Variants in ITK observed in about 807,000 individuals in gnomAD.
The protein encoded by ITK is tyrosine-protein kinase ITK/TSK.
Under a neutral mutation model 87.6 loss-of-function variants are expected in ITK, and 45 were observed. The ratio of observed to expected loss-of-function variants is 0.51; its 90% CI spans 0.40 to 0.66. The LOEUF (loss-of-function observed/expected upper bound fraction) is 0.66, where lower values mean the gene tolerates loss of function less well. ITK is among the 30% of genes least tolerant of loss of function. ITK has a pLI of 0.00. For missense variants in ITK, 605 were observed against 766.3 expected (o/e 0.79, Z 2.48); for synonymous variants, 303 against 273.6 (o/e 1.11, Z -1.06).
intron 11 of ITK, among the ~76,000 whole-genome samples, chr5:157,243,214 C>T (rs999952175): frequency 2.6e-5 from 4 of 151,930 alleles, no homozygotes; most frequent in Non-Finnish European, 4.4e-5. Flanking sequence ...TCTTTAACTG[C>T]CCCTCTGCCC....
chr5:157,192,169 G>T (rs10079961), intron 1 of ITK, among the ~76,000 whole-genome samples: 19,586 of 152,148 alleles, frequency 0.13, 1,630 homozygotes, highest in African/African-American at 0.23. Context: ...GAGATGGTTT[G>T]GTTTAAAGTC....
rs921587544 is a variant in ITK at position 157,253,072 on chromosome 5, T to C, written c.*394T>C. 1 of 359,616 alleles carries C rather than the reference T, an allele frequency of 2.8e-6. No homozygotes were observed. The allele number at this position is 359,616 out of a possible 1,614,324, so 22.3% of individuals were successfully genotyped here. A position where few individuals can be genotyped will look rare whatever the true frequency, so the allele number is the denominator to read the frequency against. On this transcript the variant is annotated 3_prime_UTR_variant, in exon 17 of 17. Transcript: ENST00000422843. ...TTTAACATGAATCTAAAGTTTATGG[T>C]TCCAGGGACTTTTTATTTGACCCAA...
chr5:157,230,841 C>T (rs935090109), intron 7 of ITK, among the ~76,000 whole-genome samples: 4 of 152,114 alleles, frequency 2.6e-5, no homozygotes, highest in African/African-American at 9.7e-5. Flanking sequence ...ATTCACCCAC[C>T]TAAAGGTATT....
At chr5:157,247,795 G>A (rs958622060) in intron 15 of ITK, among the ~76,000 whole-genome samples, 1 of 152,166 alleles carries the variant, frequency 6.6e-6, no homozygotes, top group African/African-American at 2.4e-5. Context: ...AAGTTTCTTT[G>A]CCCTAATTAG....
At chr5:157,192,459 G>A (rs152105) in intron 1 of ITK, among the ~76,000 whole-genome samples, 7,589 of 152,264 alleles carry the variant, frequency 0.05, 265 homozygotes, top group African/African-American at 0.094. Flanking sequence ...TTCTCAGGCT[G>A]TAATTCCAGA....
chr5:157,199,526 T>C (rs1753920973), intron 1 of ITK: 1 of 152,252 alleles, frequency 6.6e-6, no homozygotes, highest in South Asian at 2.1e-4. Context: ...CTTGGTGAAA[T>C]GGGTCACACA....
intron 4 of ITK, among the ~76,000 whole-genome samples, chr5:157,217,666 C>T (rs1754326420): frequency 6.6e-6 from 1 of 152,164 alleles, no homozygotes; most frequent in Non-Finnish European, 1.5e-5. Flanking sequence ...GAATCAGAAA[C>T]CAGCAGGCCC....
chr5:157,233,452 C>T (rs1754699639), intron 8 of ITK, among the ~76,000 whole-genome samples: 1 of 152,352 alleles, frequency 6.6e-6, no homozygotes, highest in South Asian at 2.1e-4. Context: ...CTTGGCTCTA[C>T]ATCAACTCAG....
chr5:157,235,330 C>T (rs1754755969), intron 8 of ITK, among the ~76,000 whole-genome samples: 1 of 152,200 alleles, frequency 6.6e-6, no homozygotes, highest in Non-Finnish European at 1.5e-5. Context: ...CCTAATGTGC[C>T]ATATCAGTTC....
chr5:157,212,405 G>A (rs1375359640), intron 3 of ITK, among the ~76,000 whole-genome samples: 1 of 152,208 alleles, frequency 6.6e-6, no homozygotes, highest in Non-Finnish European at 1.5e-5. Flanking sequence ...AATACAAGTT[G>A]TATCTTATCC....
At chr5:157,224,006 G>A (rs767524612) in intron 6 of ITK, among the ~76,000 whole-genome samples, 7 of 152,192 alleles carry the variant, frequency 4.6e-5, no homozygotes, top group South Asian at 2.1e-4. Flanking sequence ...CTATTTGGCC[G>A]GGTGCACTGG....
intron 7 of ITK, among the ~76,000 whole-genome samples, chr5:157,229,388 A>C (rs1008206576): frequency 6.6e-6 from 1 of 152,216 alleles, no homozygotes; most frequent in Non-Finnish European, 1.5e-5. Flanking sequence ...TGGAGCAAAA[A>C]GGTATCTTGT....
chr5:157,191,763 G>A (rs991166577), intron 1 of ITK, among the ~76,000 whole-genome samples: 1 of 152,080 alleles, frequency 6.6e-6, no homozygotes, highest in African/African-American at 2.4e-5. Context: ...GGAGGAATAG[G>A]TGAACTTATC....
chr5:157,191,231 G>T (rs939046427), intron 1 of ITK, among the ~76,000 whole-genome samples: 2 of 151,966 alleles, frequency 1.3e-5, no homozygotes, highest in Non-Finnish European at 2.9e-5. Context: ...CCTCCGCAGT[G>T]GTCTTATGTT....
In ITK at chr5:157,252,625, G is replaced by A. The variant is rs1755164001; in HGVS notation, c.1810G>A (p.Ala604Thr). 1 of 1,613,950 alleles carries A rather than the reference G, an allele frequency of 6.2e-7. No individual in the cohort carries two copies. Among genetic ancestry groups the A allele is most frequent in the African/African-American group, 1.3e-5 (1 of 74,942 alleles). ...TCTCCAGAGACCAGAAGATCGGCCA[G>A]CCTTCTCCAGACTGCTGCGTCAACT... ...CWKERPEDRP[A>T]FSRLLRQLAE... Residue 604 changes from alanine to threonine, a missense_variant, in exon 17 of 17, where the codon GCC becomes ACC. Around this residue, in one of 3 missense-constraint regions of ITK, gnomAD observed 71 missense variants for 65.8 expected, o/e 1.08. Coordinates refer to ENST00000422843, the MANE Select transcript of ITK (RefSeq NM_005546.4).
chr5:157,232,322 A>T lies in ITK; in HGVS notation c.714-18A>T. ...CTTTAAAATATGTCATTGACATATG[A>T]CTTTTCCTTGCTTTCAGGTGGTACA... On this transcript the variant is annotated intron_variant, in intron 7 of 16. Coordinates refer to ENST00000422843, the MANE Select transcript of ITK (RefSeq NM_005546.4). 1 of 1,583,218 alleles carries T rather than the reference A, an allele frequency of 6.3e-7. No homozygotes were observed. Among genetic ancestry groups the T allele is most frequent in the Non-Finnish European group, 8.7e-7 (1 of 1,152,608 alleles).
chr5:157,198,181 A>G (rs935620301), intron 1 of ITK, among the ~76,000 whole-genome samples: 1 of 151,900 alleles, frequency 6.6e-6, no homozygotes, highest in Non-Finnish European at 1.5e-5. Flanking sequence ...CCCAGCCCCC[A>G]GGACCACCCA....
At chr5:157,229,730 A>G (rs1177547761) in intron 7 of ITK, among the ~76,000 whole-genome samples, 1 of 152,110 alleles carries the variant, frequency 6.6e-6, no homozygotes, top group Non-Finnish European at 1.5e-5. Context: ...GCTGACCAAC[A>G]TGGTGAAACC....
rs1754814366 is a variant in ITK, at chr5:157,238,136, G to A, written c.796G>A (p.Asp266Asn). Residue 266 changes from aspartate (D) to asparagine (N), a missense_variant, in exon 9 of 17, where the codon GAT becomes AAT. Around this residue, in one of 3 missense-constraint regions of ITK, gnomAD observed 464 missense variants for 578.0 expected, o/e 0.80. Coordinates refer to ENST00000422843, the MANE Select transcript of ITK (RefSeq NM_005546.4). ...TGKEGAFMVRDSRTAGTYTVS... is the reference protein window; with the variant it reads ...TGKEGAFMVRNSRTAGTYTVS... ...CAAAGAAGGAGCCTTCATGGTAAGG[G>A]ATTCCAGGACTGCAGGAACATACAC... The A allele has an allele frequency of 6.2e-7, 1 of 1,613,882 alleles. No individual in the cohort carries two copies. Among genetic ancestry groups the A allele is most frequent in the African/African-American group, 1.3e-5 (1 of 75,034 alleles).
Sources: gnomAD v4.1 joint callset for allele counts (sites outside exome capture counted in the v4.1 genomes callset) on GRCh38, gnomAD v4.1.1 for gene constraint, gnomAD v4.1.1 regional missense constraint, MANE v1.5 for transcripts, NCBI Gene and HGNC (gene_info 2026-07-23, HGNC 2026-07-21) for gene names.